CCDC88C: variants seen among roughly 807,000 people sequenced by gnomAD.
The protein encoded by CCDC88C is protein Daple.
A neutral mutation model predicts 198.8 loss-of-function variants in CCDC88C; 131 were observed. The ratio of observed to expected loss-of-function variants is 0.66; its 90% CI spans 0.57 to 0.76. The LOEUF is 0.76. Among genes scored for constraint, CCDC88C ranks in the 30% least tolerant of loss-of-function variants. The probability of loss-of-function intolerance (pLI) is 0.00; values close to 1 mark genes in which losing one functional copy is unlikely to be tolerated. For synonymous variants in CCDC88C, 1,166 were observed against 1,114.7 expected, an observed-to-expected ratio of 1.05 and a Z score of -0.92; for missense variants, 2,553 against 2,631.6, an observed-to-expected ratio of 0.97 and a Z score of 0.65.
intron 1 of CCDC88C, 62 bp downstream of exon 1, chr14:91,417,569 C>A: frequency 1.3e-6 from 2 of 1,485,620 alleles, no homozygotes; most frequent in South Asian, 1.2e-5. Context: ...TGCGGCGTCC[C>A]GTCGCCGGGC....
Position 91,338,100 on chromosome 14 carries a change from G to C in CCDC88C, c.955C>G (p.Arg319Gly). ...CTCTCCACGCGGTTCGCCTTCTCCC[G>C]CAGGGAATCCAGCTCGTCTCGATAG... ...RAYRDELDSL[R>G]EKANRVERLE... The change falls in exon 10 of 30, where the codon CGG becomes GGG. Residue 319 changes from arginine (R) to glycine (G), a missense_variant. Coordinates refer to ENST00000389857, the MANE Select transcript of CCDC88C (RefSeq NM_001080414.4). This position sits in a 1 kb window ranked among gnomAD's most constrained non-coding sequence, Gnocchi z 4.8. The C allele has an allele frequency of 6.2e-7, 1 of 1,613,890 alleles. No individual in the cohort carries two copies. The highest frequency in any genetic ancestry group is 8.5e-7 in the Non-Finnish European group (1 of 1,179,884).
At chr14:91,293,793 C>T (rs1045128584) in intron 23 of CCDC88C, among the ~76,000 whole-genome samples, 1 of 152,220 alleles carries the variant, frequency 6.6e-6, no homozygotes, top group Non-Finnish European at 1.5e-5. Flanking sequence ...GCCCAACAAG[C>T]CCACTTCCCT....
chr14:91,402,096 G>A (rs554570244), intron 3 of CCDC88C, among the ~76,000 whole-genome samples: 2 of 152,138 alleles, frequency 1.3e-5, no homozygotes, highest in South Asian at 2.1e-4. Flanking sequence ...TCAACTTAGC[G>A]AGACCTTGCT....
At chr14:91,414,023 A>C (rs2140022546) in intron 2 of CCDC88C, among the ~76,000 whole-genome samples, 1 of 152,330 alleles carries the variant, frequency 6.6e-6, no homozygotes, top group East Asian at 1.9e-4. Context: ...GCTTAAGTGC[A>C]GTACAGTCTA....
intron 15 of CCDC88C, among the ~76,000 whole-genome samples, chr14:91,311,735 T>C (rs977617209): frequency 6.6e-6 from 1 of 152,194 alleles, no homozygotes; most frequent in Non-Finnish European, 1.5e-5. Flanking sequence ...AATGCCCAGG[T>C]GGCCCACACA....
At chr14:91,375,471 G>T (rs1047878493) in intron 3 of CCDC88C, among the ~76,000 whole-genome samples, 30 of 152,124 alleles carry the variant, frequency 2.0e-4, no homozygotes, top group Admixed American at 1.6e-3. Flanking sequence ...CTTTTCTTCA[G>T]ATGTGGGTGA....
chr14:91,272,112 T>G lies in CCDC88C; in HGVS notation c.*513A>C, dbSNP rs548029774. The G allele has an allele frequency of 1.3e-5, 2 of 153,698 alleles. No individual in the cohort carries two copies. Among genetic ancestry groups the G allele is most frequent in the African/African-American group, 4.8e-5 (2 of 41,486 alleles). The allele number at this position is 153,698 out of a possible 1,614,324, so 9.5% of individuals were successfully genotyped here. A position where few individuals can be genotyped will look rare whatever the true frequency, so the allele number is the denominator to read the frequency against. ...CACTCTCACTTTTTAACAGCAGGCCTGACTCTGGGGTCTGCCAGGCCCTGG... is the reference window on the plus strand; with the variant it reads ...CACTCTCACTTTTTAACAGCAGGCCGGACTCTGGGGTCTGCCAGGCCCTGG... On this transcript the variant is annotated 3_prime_UTR_variant, in exon 30 of 30. Coordinates refer to ENST00000389857, the MANE Select transcript of CCDC88C (RefSeq NM_001080414.4).
chr14:91,277,897 C>T (rs1444306473), intron 29 of CCDC88C, 25 bp downstream of exon 29: 2 of 1,468,318 alleles, frequency 1.4e-6, no homozygotes, highest in South Asian at 2.8e-5. Context: ...GAGAGACGGG[C>T]CAAGTCCGTG....
intron 23 of CCDC88C, among the ~76,000 whole-genome samples, chr14:91,293,863 TC>T (rs919980030): frequency 6.6e-6 from 1 of 152,230 alleles, no homozygotes; most frequent in Non-Finnish European, 1.5e-5. Context: ...GTTTGAATTC[TC>T]CCCCTTGAGA....
intron 3 of CCDC88C, among the ~76,000 whole-genome samples, chr14:91,389,769 AAG>A (rs1017494912): frequency 7.3e-5 from 11 of 151,380 alleles, no homozygotes; most frequent in African/African-American, 1.9e-4. Context: ...AAGAAAAAAA[AAG>A]AGGAGAAAAG....
chr14:91,396,686 C>G (rs1885865433), intron 3 of CCDC88C, among the ~76,000 whole-genome samples: 1 of 152,228 alleles, frequency 6.6e-6, no homozygotes, highest in African/African-American at 2.4e-5. Flanking sequence ...CACTCAGCTT[C>G]CACTCCCAGA....
chr14:91,408,883 T>C, intron 2 of CCDC88C, 116 bp from the exon 3 acceptor site: 1 of 680,406 alleles, frequency 1.5e-6, no homozygotes, highest in South Asian at 1.7e-5. Context: ...GAGGCTGTGC[T>C]GTGGCAGTTG....
At position 91,416,843 on chromosome 14, in the gene CCDC88C, G is replaced by A; in HGVS notation, c.61-5C>T. 2 of 1,604,570 alleles carry A rather than the reference G, an allele frequency of 1.2e-6. No homozygotes were observed. Among genetic ancestry groups the A allele is most frequent in the East Asian group, 4.5e-5 (2 of 44,786 alleles). On this transcript the variant is annotated splice_region_variant and splice_polypyrimidine_tract_variant and intron_variant, in intron 1 of 29. Transcript: ENST00000389857. ...AAACGGGCCAAAAGTTTTCACCTGCGGGGAGGGGGACGAGGAGAGAAAGAC... is the reference window on the plus strand; with the variant it reads ...AAACGGGCCAAAAGTTTTCACCTGCAGGGAGGGGGACGAGGAGAGAAAGAC...
chr14:91,380,297 G>A (rs1344603329), intron 3 of CCDC88C, among the ~76,000 whole-genome samples: 1 of 152,210 alleles, frequency 6.6e-6, no homozygotes, highest in Non-Finnish European at 1.5e-5. Context: ...GCACACCAGT[G>A]TTCAGCTAGG....
At chr14:91,386,512 G>A (rs780543177) in intron 3 of CCDC88C, among the ~76,000 whole-genome samples, 14 of 152,124 alleles carry the variant, frequency 9.2e-5, no homozygotes, top group Admixed American at 1.3e-4. Context: ...TGGTAGAACC[G>A]ACAGGGCCTG....
At chr14:91,289,471 A>G in intron 24 of CCDC88C, 128 bp from the exon 25 acceptor site, 2 of 815,844 alleles carry the variant, frequency 2.5e-6, no homozygotes, top group Non-Finnish European at 2.1e-6. Context: ...CGTGGGGTTC[A>G]GGACAATGAC....
At chr14:91,402,608 A>C (rs1351172174) in intron 3 of CCDC88C, among the ~76,000 whole-genome samples, 1 of 152,220 alleles carries the variant, frequency 6.6e-6, no homozygotes, top group Non-Finnish European at 1.5e-5. Flanking sequence ...GATACCACCC[A>C]ATTAATGAGA....
At chr14:91,278,366 T>C (rs1890056496) in intron 28 of CCDC88C, among the ~76,000 whole-genome samples, 155 bp from the exon 29 acceptor site, 1 of 152,240 alleles carries the variant, frequency 6.6e-6, no homozygotes, top group Non-Finnish European at 1.5e-5. Flanking sequence ...GCTGAAAGTC[T>C]GGACTCCTTT....
rs891296332 is a variant in CCDC88C at position 91,339,771 on chromosome 14, C to A, written c.624+113G>T. ...AGGGAAAGCACGCACGTCCCACCCCCACCAGAACCTCAGCAGCAGGACCGA... is the reference window on the plus strand; with the variant it reads ...AGGGAAAGCACGCACGTCCCACCCCAACCAGAACCTCAGCAGCAGGACCGA... On this transcript the variant is annotated intron_variant, in intron 7 of 29. Coordinates refer to ENST00000389857, the MANE Select transcript of CCDC88C (RefSeq NM_001080414.4). This position sits in a 1 kb window ranked among gnomAD's most constrained non-coding sequence, Gnocchi z 5.8. The A allele has an allele frequency of 8.5e-6, 11 of 1,293,770 alleles. No homozygotes were observed. The highest frequency in any genetic ancestry group is 1.5e-5 in the South Asian group (1 of 65,228). 80.1% of individuals were successfully genotyped at this position (1,293,770 alleles called of 1,614,324 possible).
Sources: gnomAD v4.1 joint callset for allele counts (sites outside exome capture counted in the v4.1 genomes callset) on GRCh38, gnomAD v4.1.1 for gene constraint, Gnocchi (gnomAD v3.1) non-coding constraint, MANE v1.5 for transcripts, NCBI Gene and HGNC (gene_info 2026-07-23, HGNC 2026-07-21) for gene names.